Variants in MACROD2 observed in about 807,000 individuals in gnomAD.
MACROD2 encodes ADP-ribose glycohydrolase MACROD2.
A neutral mutation model predicts 70.4 loss-of-function variants in MACROD2; 36 were observed. That is an observed-to-expected ratio of 0.51 (90% CI 0.39 to 0.68). MACROD2 has a LOEUF of 0.68. Among genes scored for constraint, MACROD2 ranks in the 30% least tolerant of loss-of-function variants. MACROD2 has a pLI of 0.00. For missense variants in MACROD2, 496 were observed against 538.4 expected, an observed-to-expected ratio of 0.92 and a Z score of 0.78; for synonymous variants, 172 against 178.8, an observed-to-expected ratio of 0.96 and a Z score of 0.30.
At chr20:15,945,752 G>C (rs1218578261) in intron 12 of MACROD2, among the ~76,000 whole-genome samples, 1 of 152,152 alleles carries the variant, frequency 6.6e-6, no homozygotes, top group African/African-American at 2.4e-5. Context: ...GGCTCAGAAA[G>C]TTTGAATAGC....
At chr20:15,491,412 CTGT>C in intron 7 of MACROD2, among the ~76,000 whole-genome samples, 1 of 152,346 alleles carries the variant, frequency 6.6e-6, no homozygotes, top group Middle Eastern at 3.4e-3. Flanking sequence ...ATTTTGACAG[CTGT>C]CATGGTTTGA....
At chr20:15,315,729 G>A (rs1050630302) in intron 6 of MACROD2, among the ~76,000 whole-genome samples, 3 of 152,128 alleles carry the variant, frequency 2.0e-5, no homozygotes, top group African/African-American at 7.2e-5. Context: ...GTAAGTTGAA[G>A]TCATATGTAG....
intron 7 of MACROD2, among the ~76,000 whole-genome samples, chr20:15,494,354 G>T (rs982509405): frequency 6.6e-6 from 1 of 151,944 alleles, no homozygotes; most frequent in Non-Finnish European, 1.5e-5. Context: ...ACATGCTTAT[G>T]TCCACCAAGA....
intron 8 of MACROD2, among the ~76,000 whole-genome samples, chr20:15,698,171 T>C (rs1373825464): frequency 1.3e-5 from 2 of 152,198 alleles, no homozygotes; most frequent in Non-Finnish European, 2.9e-5. Context: ...TTATAGGTCC[T>C]GTGTGATTTA....
intron 4 of MACROD2, among the ~76,000 whole-genome samples, chr20:14,677,611 G>A (rs564707592): frequency 6.6e-6 from 1 of 152,304 alleles, no homozygotes; most frequent in East Asian, 1.9e-4. Context: ...AGAAGGAGCT[G>A]CAGCTAGACT....
chr20:15,222,354 T>G (rs2076869682), intron 5 of MACROD2, among the ~76,000 whole-genome samples: 1 of 152,210 alleles, frequency 6.6e-6, no homozygotes, highest in African/African-American at 2.4e-5. Context: ...ATGAAAACAC[T>G]GACCTATGTG....
chr20:14,082,177 C>CTTTT lies in MACROD2; in HGVS notation c.164-3428_164-3425dup, dbSNP rs66918191. Among the ~76,000 whole-genome samples the CTTTT allele has an allele frequency of 9.8e-3, 910 of 93,188 alleles. 85 individuals carry two copies. The highest frequency in any genetic ancestry group is 0.026 in the African/African-American group (580 of 22,594). The allele number at this position is 93,188 out of a possible 152,430, so 61.1% of individuals were successfully genotyped here. ...TTTTCCCATACCTTTCTTTTTTTTT[C>CTTTT]TTTTTTTTTTTTTTTTTTTGAGATG... On this transcript the variant is annotated intron_variant, in intron 2 of 17. Coordinates refer to ENST00000684519, the MANE Select transcript of MACROD2 (RefSeq NM_001351661.2).
intron 5 of MACROD2, among the ~76,000 whole-genome samples, chr20:14,915,345 A>T (rs2074078929): frequency 6.6e-6 from 1 of 152,204 alleles, no homozygotes; most frequent in South Asian, 2.1e-4. Flanking sequence ...TAATGTGTCA[A>T]AATGGAAACC....
chr20:15,155,596 T>G (rs1409995317), intron 5 of MACROD2, among the ~76,000 whole-genome samples: 1 of 152,182 alleles, frequency 6.6e-6, no homozygotes, highest in Non-Finnish European at 1.5e-5. Flanking sequence ...CTTTTGAGAT[T>G]CCATTGTGCT....
intron 5 of MACROD2, among the ~76,000 whole-genome samples, chr20:14,945,797 T>A (rs2074426661): frequency 6.6e-6 from 1 of 152,086 alleles, no homozygotes; most frequent in Non-Finnish European, 1.5e-5. Flanking sequence ...GAAAATAAAC[T>A]TAGTAGCTCA....
intron 5 of MACROD2, among the ~76,000 whole-genome samples, chr20:14,984,557 T>C (rs1050341559): frequency 6.6e-6 from 1 of 152,154 alleles, no homozygotes; most frequent in Non-Finnish European, 1.5e-5. Flanking sequence ...TTACATTACA[T>C]CTAGATTAAA....
At chr20:15,853,828 ACTGTGAG>A (rs1278716835) in intron 8 of MACROD2, among the ~76,000 whole-genome samples, 1 of 152,214 alleles carries the variant, frequency 6.6e-6, no homozygotes, top group Non-Finnish European at 1.5e-5. Context: ...GACTTACAGA[ACTGTGAG>A]CTAATTAGTA....
intron 8 of MACROD2, among the ~76,000 whole-genome samples, chr20:15,622,618 G>A (rs1290547818): frequency 6.6e-6 from 1 of 152,144 alleles, no homozygotes; most frequent in Non-Finnish European, 1.5e-5. Context: ...ACACTACTCA[G>A]AACAGTGTGC....
chr20:14,994,300 T>C (rs1212249268), intron 5 of MACROD2, among the ~76,000 whole-genome samples: 3 of 152,044 alleles, frequency 2.0e-5, no homozygotes, highest in Non-Finnish European at 4.4e-5. Context: ...AGAAAAGGGA[T>C]GCCCAACAGG....
At chr20:14,367,238 GA>G (rs1333656588) in intron 3 of MACROD2, among the ~76,000 whole-genome samples, 1 of 152,072 alleles carries the variant, frequency 6.6e-6, no homozygotes, top group African/African-American at 2.4e-5. Context: ...TTGTGTGTCT[GA>G]TAACATACAT....
At chr20:15,527,059 A>T (rs981115879) in intron 8 of MACROD2, among the ~76,000 whole-genome samples, 1 of 152,204 alleles carries the variant, frequency 6.6e-6, no homozygotes, top group African/African-American at 2.4e-5. Flanking sequence ...ACCTTTAAGT[A>T]TGGGGAAGTA....
intron 5 of MACROD2, among the ~76,000 whole-genome samples, chr20:14,849,157 C>T (rs1483926018): frequency 6.6e-6 from 1 of 152,158 alleles, no homozygotes; most frequent in African/African-American, 2.4e-5. Flanking sequence ...CTGCAAAATG[C>T]AAGCCTATCT....
chr20:15,210,183 G>T (rs2076749225), intron 5 of MACROD2, among the ~76,000 whole-genome samples: 1 of 152,186 alleles, frequency 6.6e-6, no homozygotes, highest in Non-Finnish European at 1.5e-5. Context: ...AATGGAAGTG[G>T]CTCTCAGTCC....
At chr20:15,908,959 A>T (rs565114349) in intron 10 of MACROD2, among the ~76,000 whole-genome samples, 24 of 152,244 alleles carry the variant, frequency 1.6e-4, no homozygotes, top group Non-Finnish European at 3.2e-4. Flanking sequence ...CTAGGGATGT[A>T]TAAAACTTGT....
Sources: gnomAD v4.1 joint callset for allele counts (sites outside exome capture counted in the v4.1 genomes callset) on GRCh38, gnomAD v4.1.1 for gene constraint, MANE v1.5 for transcripts, NCBI Gene and HGNC (gene_info 2026-07-23, HGNC 2026-07-21) for gene names.